The following TAFA2 variants were observed in gnomAD, a reference collection of about 807,000 sequenced individuals.
The protein encoded by TAFA2 is TAFA chemokine like family member 2, also known as chemokine-like protein TAFA-2.
TAFA2 carries 7 observed loss-of-function variants against 18.8 expected under a neutral mutation model. The observed-to-expected ratio is 0.37, with a 90% CI of 0.21 to 0.70. TAFA2 has a LOEUF of 0.70. Ranked by LOEUF, TAFA2 falls within the 30% of genes least tolerant of loss-of-function variation. TAFA2 has a pLI of 0.53. For synonymous variants in TAFA2, 60 were observed against 54.2 expected (o/e 1.11, Z -0.47); for missense variants, 122 against 158.1 (o/e 0.77, Z 1.23).
At chr12:61,822,862 A>T (rs919280956) in intron 2 of TAFA2, among the ~76,000 whole-genome samples, 15 of 152,196 alleles carry the variant, frequency 9.9e-5, no homozygotes, top group African/African-American at 3.6e-4. Context: ...AAGAAATACT[A>T]ACATATTCTT....
chr12:62,222,394 G>C lies in TAFA2; in HGVS notation c.-130+36369C>G, dbSNP rs143786669. Among the ~76,000 whole-genome samples, 276 of 152,276 alleles carry C rather than the reference G, an allele frequency of 1.8e-3. 1 individual carries two copies. The highest frequency in any genetic ancestry group is 6.5e-3 in the African/African-American group (272 of 41,560). On this transcript the variant is annotated intron_variant, in intron 1 of 5. Transcript: ENST00000551619. ...AGAAAATTAATAGGGAGAGCTTAAT[G>C]ATAGACTTTTTTAAAACTTTCTTCA...
chr12:62,046,383 G>T (rs140881875), intron 1 of TAFA2, among the ~76,000 whole-genome samples: 2 of 151,398 alleles, frequency 1.3e-5, no homozygotes, highest in African/African-American at 2.4e-5. Context: ...TATCTCAACC[G>T]ACTATACAAA....
chr12:62,078,128 T>C (rs955779009), intron 1 of TAFA2, among the ~76,000 whole-genome samples: 48 of 152,110 alleles, frequency 3.2e-4, no homozygotes, highest in African/African-American at 1.1e-3. Flanking sequence ...ATGGGCCTCA[T>C]ATGTCCGGGC....
At chr12:62,100,456 C>T (rs1453676777) in intron 1 of TAFA2, among the ~76,000 whole-genome samples, 1 of 152,146 alleles carries the variant, frequency 6.6e-6, no homozygotes, top group African/African-American at 2.4e-5. Context: ...TACCCCTGTA[C>T]AGTTTGGTCT....
intron 2 of TAFA2, among the ~76,000 whole-genome samples, chr12:61,776,790 G>A (rs147537483): frequency 1.7e-4 from 26 of 151,862 alleles, no homozygotes; most frequent in African/African-American, 3.6e-4. Context: ...ATGTTTAACC[G>A]TGGTATGTAT....
In TAFA2 at chr12:62,214,360, G is replaced by A. The variant is rs576743497; in HGVS notation, c.-130+44403C>T. 6.6e-5 allele frequency among the ~76,000 whole-genome samples: 10 copies of A among 152,180 alleles called. No individual in the cohort carries two copies. In the South Asian group the frequency reaches 1.5e-3, roughly 22 times the overall value. The stretch of plus-strand genomic sequence containing the variant: ...AATGGGAGTTCCCCTGCACAAGCTC[G>A]CTCTCTCTTTGCCTGCCACCACCCA... On this transcript the variant is annotated intron_variant, in intron 1 of 5. Coordinates refer to the TAFA2 transcript ENST00000551619.
intron 2 of TAFA2, among the ~76,000 whole-genome samples, chr12:61,763,325 AAT>A (rs1264069892): frequency 6.6e-6 from 1 of 152,064 alleles, no homozygotes; most frequent in East Asian, 1.9e-4. Context: ...ATAAAATTTC[AAT>A]TTAACAGTAT....
chr12:62,098,633 G>GATTA (rs1165575666), intron 1 of TAFA2, among the ~76,000 whole-genome samples: 1 of 152,116 alleles, frequency 6.6e-6, no homozygotes, highest in African/African-American at 2.4e-5. Context: ...TACTTGAGCT[G>GATTA]ATTAATTCTC....
intron 1 of TAFA2, among the ~76,000 whole-genome samples, chr12:62,025,225 T>C (rs1290514368): frequency 1.3e-5 from 2 of 152,124 alleles, no homozygotes; most frequent in South Asian, 2.1e-4. Context: ...GACATAAAGA[T>C]GGCAACAATA....
At chr12:62,181,181 C>T (rs1445461305) in intron 1 of TAFA2, among the ~76,000 whole-genome samples, 1 of 152,142 alleles carries the variant, frequency 6.6e-6, no homozygotes, top group African/African-American at 2.4e-5. Flanking sequence ...TACACACACG[C>T]GTGTGCACAC....
At chr12:61,911,028 T>C (rs1876588003) in intron 1 of TAFA2, among the ~76,000 whole-genome samples, 1 of 152,190 alleles carries the variant, frequency 6.6e-6, no homozygotes. Context: ...AGTTACATCA[T>C]GTACAGATGT....
At chr12:62,018,202 C>T (rs1479595715) in intron 1 of TAFA2, among the ~76,000 whole-genome samples, 1 of 152,108 alleles carries the variant, frequency 6.6e-6, no homozygotes, top group Non-Finnish European at 1.5e-5. Flanking sequence ...TAAAATATTT[C>T]CCATCCCTCC....
intron 1 of TAFA2, among the ~76,000 whole-genome samples, chr12:62,197,833 T>A (rs2062655090): frequency 6.6e-6 from 1 of 152,222 alleles, no homozygotes; most frequent in African/African-American, 2.4e-5. Context: ...ATACCACAAT[T>A]TCTTTAACCA....
chr12:62,234,565 T>C lies in TAFA2; in HGVS notation c.-130+24198A>G, dbSNP rs1238454429. 7.2e-6 allele frequency: 6 copies of C among 832,154 alleles called. No homozygotes were observed. The Admixed American group carries it at 1.0e-4, about 14-fold the overall frequency. 51.5% of individuals were successfully genotyped at this position (832,154 alleles called of 1,614,324 possible). A position where few individuals can be genotyped will look rare whatever the true frequency, so the allele number is the denominator to read the frequency against. ...TACCCACGTATGTCATCTACGCTCA[T>C]TAGAACGGAAGAAAGACCATAAACA... On this transcript the variant is annotated intron_variant, in intron 1 of 5. Coordinates refer to the TAFA2 transcript ENST00000551619.
chr12:61,955,635 A>ATT (rs1878659674), intron 1 of TAFA2, among the ~76,000 whole-genome samples: 3 of 12,478 alleles, frequency 2.4e-4, no homozygotes, highest in Non-Finnish European at 5.8e-4. Context: ...AAAAAAAAAT[A>ATT]TATATATATA....
At chr12:62,027,136 C>G (rs1881331850) in intron 1 of TAFA2, among the ~76,000 whole-genome samples, 1 of 152,044 alleles carries the variant, frequency 6.6e-6, no homozygotes, top group Non-Finnish European at 1.5e-5. Flanking sequence ...TAGACAAAGT[C>G]ATTTAACTGA....
intron 1 of TAFA2, among the ~76,000 whole-genome samples, chr12:61,965,214 G>A (rs1879027069): frequency 6.6e-6 from 1 of 151,802 alleles, no homozygotes; most frequent in African/African-American, 2.4e-5. Context: ...TGGGATTAGT[G>A]ACCTTATAAA....
chr12:62,122,171 A>T (rs1183907964), intron 1 of TAFA2, among the ~76,000 whole-genome samples: 1 of 152,198 alleles, frequency 6.6e-6, no homozygotes, highest in Admixed American at 6.5e-5. Flanking sequence ...AATCCCCATG[A>T]CACAAGTTTA....
At chr12:61,910,843 C>T (rs1159335358) in intron 1 of TAFA2, among the ~76,000 whole-genome samples, 3 of 152,162 alleles carry the variant, frequency 2.0e-5, no homozygotes, top group African/African-American at 7.2e-5. Context: ...ATAAACTCAC[C>T]CTGTGCAATT....
Sources: allele counts gnomAD v4.1 joint callset (sites outside exome capture counted in the v4.1 genomes callset), GRCh38; gene constraint gnomAD v4.1.1; transcripts MANE v1.5; gene names NCBI Gene and HGNC (gene_info 2026-07-23, HGNC 2026-07-21).